The following NRXN3 variants were observed in gnomAD, a reference collection of about 807,000 sequenced individuals.
NRXN3 encodes the protein neurexin 3, also known as neurexin III.
In NRXN3, 32 loss-of-function variants were observed where a neutral mutation model predicts 137.6. The observed-to-expected ratio is 0.23, with a 90% CI of 0.18 to 0.31. The LOEUF (loss-of-function observed/expected upper bound fraction) is 0.31. Ranked by LOEUF, NRXN3 falls within the 10% of genes least tolerant of loss-of-function variation. The probability of loss-of-function intolerance (pLI) is 1.00; values close to 1 mark genes in which losing one functional copy is unlikely to be tolerated. For missense variants in NRXN3, 1,574 were observed against 2,062.5 expected (o/e 0.76, Z 4.59); for synonymous variants, 798 against 784.5 (o/e 1.02, Z -0.29).
chr14:78,334,017 G>A (rs1319124791), intron 4 of NRXN3, among the ~76,000 whole-genome samples: 1 of 152,094 alleles, frequency 6.6e-6, no homozygotes, highest in African/African-American at 2.4e-5. Flanking sequence ...ATTGAATATG[G>A]GTGTGAGAAG....
At chr14:79,106,926 C>A (rs1421210003) in intron 15 of NRXN3, among the ~76,000 whole-genome samples, 3 of 151,918 alleles carry the variant, frequency 2.0e-5, no homozygotes, top group African/African-American at 7.3e-5. Context: ...GTGTCTAAGA[C>A]TTAGTTAACT....
At chr14:79,057,544 G>A (rs2099667387) in intron 15 of NRXN3, among the ~76,000 whole-genome samples, 1 of 152,192 alleles carries the variant, frequency 6.6e-6, no homozygotes, top group African/African-American at 2.4e-5. Flanking sequence ...TGAGGGATGA[G>A]TAAGGAAGAT....
At chr14:78,632,004 C>T (rs2097526971) in intron 4 of NRXN3, among the ~76,000 whole-genome samples, 1 of 151,532 alleles carries the variant, frequency 6.6e-6, no homozygotes, top group African/African-American at 2.4e-5. Context: ...GTCCCACCTT[C>T]TCAGGCGGCT....
intron 11 of NRXN3, among the ~76,000 whole-genome samples, chr14:78,961,269 T>C (rs1435560218): frequency 6.6e-6 from 1 of 152,156 alleles, no homozygotes; most frequent in Non-Finnish European, 1.5e-5. Flanking sequence ...TTATTCTTTT[T>C]TGCTGAGCTC....
intron 16 of NRXN3, among the ~76,000 whole-genome samples, chr14:79,513,392 C>T (rs2096951784): frequency 6.6e-6 from 1 of 152,170 alleles, no homozygotes; most frequent in Non-Finnish European, 1.5e-5. Flanking sequence ...GGACATTTCA[C>T]CACCCACTAA....
intron 1 of NRXN3, among the ~76,000 whole-genome samples, chr14:78,174,847 G>A (rs970432679): frequency 3.3e-5 from 5 of 152,220 alleles, no homozygotes; most frequent in Non-Finnish European, 5.9e-5. Flanking sequence ...TGGGTGGGTG[G>A]CTCATGGATG....
At chr14:78,399,293 TTA>T (rs964949849) in intron 4 of NRXN3, among the ~76,000 whole-genome samples, 40 of 152,276 alleles carry the variant, frequency 2.6e-4, no homozygotes, top group African/African-American at 9.6e-4. Context: ...TTAAAAAATC[TTA>T]TGTTTGTTTT....
chr14:79,814,168 C>T (rs536602952), intron 20 of NRXN3, among the ~76,000 whole-genome samples: 2 of 152,254 alleles, frequency 1.3e-5, no homozygotes, highest in South Asian at 4.2e-4. Context: ...TTATTATTTC[C>T]ATTGGATCAT....
intron 1 of NRXN3, among the ~76,000 whole-genome samples, chr14:78,198,227 C>T (rs1204980304): frequency 1.3e-5 from 2 of 152,240 alleles, no homozygotes; most frequent in African/African-American, 4.8e-5. Context: ...AGCTGCTCTT[C>T]GCATCATTCC....
At chr14:78,832,805 T>C (rs1419466510) in intron 10 of NRXN3, among the ~76,000 whole-genome samples, 2 of 152,192 alleles carry the variant, frequency 1.3e-5, no homozygotes, top group East Asian at 3.9e-4. Flanking sequence ...CTCAGTGATT[T>C]TGGTTCCTTA....
chr14:79,585,700 A>C (rs886444544), intron 16 of NRXN3, among the ~76,000 whole-genome samples: 41 of 151,256 alleles, frequency 2.7e-4, no homozygotes, highest in Non-Finnish European at 1.9e-4. Context: ...AAAACAAAAA[A>C]AAAAAAAACC....
In NRXN3 at chr14:79,467,248, G is replaced by C. The variant is rs139951857; in HGVS notation, c.3290G>C (p.Ser1097Thr). 2 of 1,604,574 alleles carry C rather than the reference G, an allele frequency of 1.2e-6. No homozygotes were observed. Among genetic ancestry groups the C allele is most frequent in the African/African-American group, 2.7e-5 (2 of 74,772 alleles). Residue 1097 changes from serine to threonine, a missense_variant, in exon 16 of 21, where the codon AGT becomes ACT. Physicochemically the swap from Ser to Thr is moderately conservative, Grantham distance 58. Coordinates refer to ENST00000335750, the MANE Select transcript of NRXN3 (RefSeq NM_001330195.2). ...GGCGCTACGTACATCTTTGGGAAAA[G>C]TGGTGGGCTTATCCTCTACACCTGG... ...DPGATYIFGK[S>T]GGLILYTWPA...
Position 78,803,547 on chromosome 14 carries a change from C to T in NRXN3, c.2045-73C>T. The T allele has an allele frequency of 2.1e-6, 3 of 1,410,816 alleles. No individual in the cohort carries two copies. The South Asian group carries it at 3.5e-5, about 16-fold the overall frequency. The allele number at this position is 1,410,816 out of a possible 1,614,324, so 87.4% of individuals were successfully genotyped here. ...TCTGGCACCCTCTCTACTCGCTTAG[C>T]CTGAAAGCAAAGGGGTATTTGGCAA... is the stretch of plus-strand genomic sequence containing the variant. On this transcript the variant is annotated intron_variant, in intron 8 of 20. Transcript: ENST00000335750.
At chr14:79,159,080 C>G (rs1699366603) in intron 15 of NRXN3, among the ~76,000 whole-genome samples, 1 of 151,816 alleles carries the variant, frequency 6.6e-6, no homozygotes, top group African/African-American at 2.4e-5. Context: ...TCAAAATACT[C>G]TCATAATAAG....
chr14:79,266,006 G>T (rs568953773), intron 15 of NRXN3, among the ~76,000 whole-genome samples: 1 of 152,254 alleles, frequency 6.6e-6, no homozygotes, highest in South Asian at 2.1e-4. Flanking sequence ...GTAGGCACAA[G>T]CATACCAGCA....
At chr14:79,513,145 A>C (rs928442231) in intron 16 of NRXN3, among the ~76,000 whole-genome samples, 2 of 152,242 alleles carry the variant, frequency 1.3e-5, no homozygotes, top group Non-Finnish European at 2.9e-5. Context: ...GTGAATCATT[A>C]GTAATTCATA....
At chr14:78,902,595 T>G (rs1509153) in intron 10 of NRXN3, among the ~76,000 whole-genome samples, 15,680 of 151,946 alleles carry the variant, frequency 0.1, 1,119 homozygotes, top group Non-Finnish European at 0.14. Flanking sequence ...CCCCTAATTC[T>G]AAAACATTTT....
chr14:79,027,112 G>A (rs2099599929), intron 15 of NRXN3, among the ~76,000 whole-genome samples: 1 of 148,466 alleles, frequency 6.7e-6, no homozygotes, highest in Non-Finnish European at 1.5e-5. Flanking sequence ...TGTTGGCACA[G>A]AAGCCTATAT....
chr14:79,799,204 A>T (rs1027017583), intron 19 of NRXN3, among the ~76,000 whole-genome samples: 1 of 152,210 alleles, frequency 6.6e-6, no homozygotes, highest in African/African-American at 2.4e-5. Context: ...ACACAGAACA[A>T]AGTAATTTCA....
Sources: allele counts gnomAD v4.1 joint callset (sites outside exome capture counted in the v4.1 genomes callset), GRCh38; gene constraint gnomAD v4.1.1; transcripts MANE v1.5; gene names NCBI Gene and HGNC (gene_info 2026-07-23, HGNC 2026-07-21).